Variants in SGCG observed in about 807,000 individuals in gnomAD.
SGCG encodes the protein sarcoglycan gamma, also known as gamma-sarcoglycan.
A neutral mutation model predicts 29.3 loss-of-function variants in SGCG; 26 were observed. The observed-to-expected ratio is 0.89, with a 90% confidence interval of 0.65 to 1.23. The LOEUF is 1.23. SGCG is among the 50% of genes most tolerant of loss of function. SGCG has a pLI of 0.00. For missense variants in SGCG, 353 were observed against 356.0 expected (o/e 0.99, Z 0.07); for synonymous variants, 145 against 129.7 (o/e 1.12, Z -0.80).
In SGCG at chr13:23,186,597, C is replaced by T. The variant is rs113268126; in HGVS notation, c.-1+5522C>T. ...TATATCCTATCCACTGGGGATGGAGCGCCATAATGGTCATTGATTTTGGAT... is the reference window on the plus strand; with the variant it reads ...TATATCCTATCCACTGGGGATGGAGTGCCATAATGGTCATTGATTTTGGAT... On this transcript the variant is annotated intron_variant, in intron 1 of 7. Transcript: ENST00000218867. Among the ~76,000 whole-genome samples the T allele has an allele frequency of 7.7e-3, 1,177 of 152,244 alleles. 8 individuals carry two copies. The highest frequency in any genetic ancestry group is 0.011 in the Non-Finnish European group (743 of 68,018).
chr13:23,235,882 T>C (rs1032759874), intron 3 of SGCG, among the ~76,000 whole-genome samples: 5 of 152,226 alleles, frequency 3.3e-5, no homozygotes, highest in African/African-American at 9.6e-5. Context: ...TGAGGTCTTG[T>C]TAGAGACATA....
At chr13:23,169,299 A>C in the SGCG span, among the ~76,000 whole-genome samples, 3 of 150,798 alleles carry the variant, frequency 2.0e-5, no homozygotes, top group African/African-American at 7.3e-5. Flanking sequence ...TTCTCTCCTC[A>C]TTTTTAAATA....
the SGCG span, among the ~76,000 whole-genome samples, chr13:23,166,866 G>C: frequency 2.2e-4 from 33 of 152,166 alleles, no homozygotes; most frequent in Non-Finnish European, 3.8e-4. Flanking sequence ...TCACATCATA[G>C]AGAATGGGGT....
intron 2 of SGCG, among the ~76,000 whole-genome samples, chr13:23,231,676 T>C (rs1010178158): frequency 3.5e-4 from 54 of 152,298 alleles, no homozygotes; most frequent in African/African-American, 1.3e-3. Flanking sequence ...GATCGATTTT[T>C]ATAATTTACT....
At chr13:23,291,998 A>G (rs1233906672) in intron 5 of SGCG, among the ~76,000 whole-genome samples, 3 of 152,162 alleles carry the variant, frequency 2.0e-5, no homozygotes, top group Non-Finnish European at 4.4e-5. Context: ...TGCTGAAACA[A>G]CCTGCTGTGA....
At position 23,324,644 on chromosome 13, in the gene SGCG, G is replaced by A; in HGVS notation, c.*103G>A. On this transcript the variant is annotated 3_prime_UTR_variant, in exon 8 of 8. Transcript: ENST00000218867. ...AAGACTGAGGCAGCGTGGATGGGAAGTAAACGCTTCCAGAGGAACTCAGAA... is the reference window on the plus strand; with the variant it reads ...AAGACTGAGGCAGCGTGGATGGGAAATAAACGCTTCCAGAGGAACTCAGAA... The A allele has an allele frequency of 1.9e-6, 2 of 1,030,490 alleles. No homozygotes were observed. Among genetic ancestry groups the A allele is most frequent in the Non-Finnish European group, 2.9e-6 (2 of 678,984 alleles). The allele number at this position is 1,030,490 out of a possible 1,614,324, so 63.8% of individuals were successfully genotyped here.
Position 23,324,407 on chromosome 13 carries a change from G to C in SGCG, c.742G>C (p.Val248Leu). The change falls in exon 8 of 8, where the codon GTG (valine) becomes CTG (leucine). Residue 248 changes from valine (V) to leucine (L), a missense_variant. Val to Leu is a conservative substitution (Grantham distance 32). Coordinates refer to ENST00000218867, the MANE Select transcript of SGCG (RefSeq NM_000231.3). Reference protein sequence around the residue: ...DAETVCLPKLVQGTWGPSGSS... With the variant: ...DAETVCLPKLLQGTWGPSGSS... Reference sequence around the variant, plus strand: ...TGAAACTGTGTGCTTACCCAAGCTGGTGCAGGGGACGTGGGGTCCCTCTGG... The same window carrying C: ...TGAAACTGTGTGCTTACCCAAGCTGCTGCAGGGGACGTGGGGTCCCTCTGG... 1 of 1,614,196 alleles carries C rather than the reference G, an allele frequency of 6.2e-7. No individual in the cohort carries two copies. The highest frequency in any genetic ancestry group is 8.5e-7 in the Non-Finnish European group (1 of 1,180,034).
At chr13:23,313,042 T>C (rs1882664161) in intron 6 of SGCG, among the ~76,000 whole-genome samples, 1 of 152,208 alleles carries the variant, frequency 6.6e-6, no homozygotes, top group African/African-American at 2.4e-5. Context: ...GATTAGGTTT[T>C]CTTATCATAC....
intron 3 of SGCG, among the ~76,000 whole-genome samples, chr13:23,243,248 C>A (rs897386696): frequency 6.6e-6 from 1 of 152,198 alleles, no homozygotes; most frequent in African/African-American, 2.4e-5. Flanking sequence ...TTTGGTTCAG[C>A]ACTAAACCAT....
chr13:23,214,549 A>G (rs1344473736), intron 2 of SGCG, among the ~76,000 whole-genome samples: 1 of 152,038 alleles, frequency 6.6e-6, no homozygotes, highest in East Asian at 1.9e-4. Context: ...ACATTTTACC[A>G]CTGGTCTTCC....
intron 4 of SGCG, among the ~76,000 whole-genome samples, chr13:23,266,792 T>C (rs1880658384): frequency 1.3e-5 from 2 of 152,210 alleles, no homozygotes; most frequent in Non-Finnish European, 2.9e-5. Flanking sequence ...TGCTCCCTCT[T>C]TTCCTTACAC....
intron 5 of SGCG, among the ~76,000 whole-genome samples, chr13:23,294,659 C>G (rs757915147): frequency 7.2e-5 from 11 of 152,266 alleles, no homozygotes; most frequent in Non-Finnish European, 1.5e-4. Flanking sequence ...GTATGAAAAC[C>G]CCTATAGCAT....
chr13:23,218,218 A>G (rs1055048933), intron 2 of SGCG, among the ~76,000 whole-genome samples: 2 of 152,214 alleles, frequency 1.3e-5, no homozygotes, highest in African/African-American at 4.8e-5. Context: ...TAGTAAGAAA[A>G]CATGTTAGTG....
At chr13:23,212,297 T>G (rs1177450999) in intron 2 of SGCG, among the ~76,000 whole-genome samples, 1 of 152,210 alleles carries the variant, frequency 6.6e-6, no homozygotes, top group Non-Finnish European at 1.5e-5. Context: ...ACTTTCTTGC[T>G]GAGGTTATCT....
chr13:23,285,775 G>A (rs544155018), intron 5 of SGCG, among the ~76,000 whole-genome samples: 3,348 of 124,742 alleles, frequency 0.027, 77 homozygotes, highest in Non-Finnish European at 0.034. Context: ...TGCAGGTTGC[G>A]AAGACCATGG....
At chr13:23,171,670 G>A in the SGCG span, among the ~76,000 whole-genome samples, 1 of 152,180 alleles carries the variant, frequency 6.6e-6, no homozygotes, top group South Asian at 2.1e-4. Context: ...GGATGTAACT[G>A]TTCCAGATAA....
chr13:23,215,222 T>A (rs986625680), intron 2 of SGCG, among the ~76,000 whole-genome samples: 1 of 152,138 alleles, frequency 6.6e-6, no homozygotes, highest in Non-Finnish European at 1.5e-5. Context: ...GGAATATTCT[T>A]ATAACAAAAT....
rs559484273 is a variant in SGCG at position 23,223,054 on chromosome 13, A to G, written c.196-11557A>G. On this transcript the variant is annotated intron_variant, in intron 2 of 7. Coordinates refer to ENST00000218867, the MANE Select transcript of SGCG (RefSeq NM_000231.3). ...AGCACTTTGGGAGGCCAAGGTGGGCAGATCACGAGGTCAGGAGATCGAGAC... is the reference window on the plus strand; with the variant it reads ...AGCACTTTGGGAGGCCAAGGTGGGCGGATCACGAGGTCAGGAGATCGAGAC... Among the ~76,000 whole-genome samples, 325 of 152,130 alleles carry G rather than the reference A, an allele frequency of 2.1e-3. 1 individual carries two copies. The highest frequency in any genetic ancestry group is 7.1e-3 in the African/African-American group (296 of 41,516).
chr13:23,254,405 G>A (rs1368544857), intron 4 of SGCG, among the ~76,000 whole-genome samples: 2 of 152,120 alleles, frequency 1.3e-5, no homozygotes, highest in Non-Finnish European at 2.9e-5. Context: ...GAATTTAAGA[G>A]TGATGACTTC....
Sources: gnomAD v4.1 joint callset for allele counts (sites outside exome capture counted in the v4.1 genomes callset) on GRCh38, gnomAD v4.1.1 for gene constraint, MANE v1.5 for transcripts, NCBI Gene and HGNC (gene_info 2026-07-23, HGNC 2026-07-21) for gene names.